Variants in OSTN observed in about 807,000 individuals in gnomAD.
The protein encoded by OSTN is osteocrin.
A neutral mutation model predicts 12.0 loss-of-function variants in OSTN; 9 were observed. The ratio of observed to expected loss-of-function variants is 0.75; its 90% CI spans 0.45 to 1.30. The LOEUF is 1.30. Among genes scored for constraint, OSTN ranks in the 50% most tolerant of loss-of-function variants. The pLI is 0.00. For missense variants in OSTN, 148 were observed against 152.3 expected (o/e 0.97, Z 0.15); for synonymous variants, 59 against 56.9 (o/e 1.04, Z -0.16).
At chr3:191,238,678 C>T (rs1715256156) in intron 3 of OSTN, among the ~76,000 whole-genome samples, 1 of 152,168 alleles carries the variant, frequency 6.6e-6, no homozygotes, top group African/African-American at 2.4e-5. Context: ...CAAGAGTGTG[C>T]CGCCCTTTTA....
At chr3:191,221,846 C>T (rs994942468) in intron 3 of OSTN, among the ~76,000 whole-genome samples, 1 of 152,232 alleles carries the variant, frequency 6.6e-6, no homozygotes, top group African/African-American at 2.4e-5. Context: ...GTCTTCACAG[C>T]AGCCCCTCCC....
intron 4 of OSTN, among the ~76,000 whole-genome samples, chr3:191,255,026 C>G (rs563701295): frequency 6.6e-6 from 1 of 152,110 alleles, no homozygotes; most frequent in East Asian, 1.9e-4. Context: ...TTTTCGGCGC[C>G]GGGGACTGGT....
intron 2 of OSTN, among the ~76,000 whole-genome samples, chr3:191,215,190 C>T (rs79447945): frequency 6.6e-6 from 1 of 152,148 alleles, no homozygotes; most frequent in Admixed American, 6.5e-5. Context: ...AATTACCAAA[C>T]ATTTATAAAA....
intron 2 of OSTN, among the ~76,000 whole-genome samples, chr3:191,217,871 A>G (rs999946903): frequency 6.6e-6 from 1 of 152,160 alleles, no homozygotes; most frequent in African/African-American, 2.4e-5. Flanking sequence ...CTGGATTAGT[A>G]ATGGCTTGAG....
intron 3 of OSTN, among the ~76,000 whole-genome samples, chr3:191,241,948 T>G (rs888865160): frequency 1.3e-5 from 2 of 152,078 alleles, no homozygotes; most frequent in Non-Finnish European, 2.9e-5. Flanking sequence ...ACAGCCTCAT[T>G]AATGACTACA....
intron 3 of OSTN, among the ~76,000 whole-genome samples, chr3:191,232,732 CTGGGATTATAGGCA>C (rs1416954964): frequency 1.4e-4 from 22 of 151,804 alleles, no homozygotes; most frequent in African/African-American, 4.6e-4. Flanking sequence ...TCCCAAGTAG[CTGGGATTATAGGCA>C]TGGGATTATA....
Position 191,265,384 on chromosome 3 carries a change from C to T in OSTN, c.*2531C>T, listed in dbSNP as rs1560128714. 2.6e-5 allele frequency: 4 copies of T among 152,070 alleles called. No homozygotes were observed. Among genetic ancestry groups the T allele is most frequent in the African/African-American group, 9.7e-5 (4 of 41,420 alleles). 9.4% of individuals were successfully genotyped at this position (152,070 alleles called of 1,614,324 possible). A position where few individuals can be genotyped will look rare whatever the true frequency, so the allele number is the denominator to read the frequency against. Reference sequence around the variant, plus strand: ...GGATGTTAGTTACTGGCTATGTTGTCCTAAAATTTACACACACTAAAAAAT... The same window carrying T: ...GGATGTTAGTTACTGGCTATGTTGTTCTAAAATTTACACACACTAAAAAAT... On this transcript the variant is annotated 3_prime_UTR_variant, in exon 5 of 5. Coordinates refer to ENST00000682035, the MANE Select transcript of OSTN (RefSeq NM_198184.2).
At chr3:191,211,580 T>C (rs1551426) in intron 1 of OSTN, among the ~76,000 whole-genome samples, 151,575 of 152,262 alleles carry the variant, frequency 1, 75,444 homozygotes, top group East Asian at 1. Context: ...TTGTAAAGCA[T>C]CCAATTTTCT....
intron 3 of OSTN, among the ~76,000 whole-genome samples, chr3:191,230,369 T>C (rs1715021160): frequency 1.3e-5 from 2 of 150,348 alleles, no homozygotes; most frequent in South Asian, 4.2e-4. Flanking sequence ...ATCGAGACCA[T>C]TCTGGTCAAC....
chr3:191,253,085 A>C (rs1715596255), intron 4 of OSTN, among the ~76,000 whole-genome samples: 1 of 152,332 alleles, frequency 6.6e-6, no homozygotes, highest in Non-Finnish European at 1.5e-5. Context: ...TTCGTGACCC[A>C]AAAGGCCTTC....
At chr3:191,222,164 T>C (rs1274194455) in intron 3 of OSTN, among the ~76,000 whole-genome samples, 1 of 152,224 alleles carries the variant, frequency 6.6e-6, no homozygotes, top group Non-Finnish European at 1.5e-5. Flanking sequence ...GAAGAACCAC[T>C]ACTAGGGCAG....
intron 1 of OSTN, among the ~76,000 whole-genome samples, chr3:191,207,655 A>T (rs1323870296): frequency 1.3e-5 from 2 of 152,184 alleles, no homozygotes; most frequent in African/African-American, 4.8e-5. Flanking sequence ...TAATAAAAAC[A>T]TCTTTCTTCA....
intron 3 of OSTN, among the ~76,000 whole-genome samples, chr3:191,232,771 C>A (rs1308771401): frequency 6.6e-6 from 1 of 151,894 alleles, no homozygotes; most frequent in Admixed American, 6.6e-5. Flanking sequence ...CCTGCCACCA[C>A]ACCTGGCTAA....
chr3:191,249,961 AC>A (rs2108552003), intron 3 of OSTN, 75 bp from the exon 4 acceptor site: 1 of 1,096,728 alleles, frequency 9.1e-7, no homozygotes, highest in East Asian at 2.4e-5. Context: ...CCCCAGAGCT[AC>A]ATAAAATAAA....
chr3:191,230,519 G>A (rs1037569481), intron 3 of OSTN, among the ~76,000 whole-genome samples: 2 of 147,988 alleles, frequency 1.4e-5, no homozygotes, highest in East Asian at 2.0e-4. Flanking sequence ...AGCTGAGATC[G>A]GGCCACTGCA....
chr3:191,209,186 C>T lies in OSTN; in HGVS notation c.1-3347C>T, dbSNP rs146576009. Among the ~76,000 whole-genome samples the T allele has an allele frequency of 7.0e-3, 1,061 of 152,082 alleles. 18 individuals carry two copies. Among genetic ancestry groups the T allele is most frequent in the African/African-American group, 0.024 (1,008 of 41,494 alleles). On this transcript the variant is annotated intron_variant, in intron 1 of 4. Coordinates refer to ENST00000682035, the MANE Select transcript of OSTN (RefSeq NM_198184.2). ...AAATAAATAAATAAAAAAGATATAT[C>T]GGAAATATGAAATCATTTTAAAAAT...
intron 4 of OSTN, among the ~76,000 whole-genome samples, chr3:191,259,259 G>A (rs553998390): frequency 2.7e-5 from 4 of 150,766 alleles, no homozygotes; most frequent in South Asian, 2.1e-4. Flanking sequence ...CAGTAGCACC[G>A]TCTCAGCTCA....
chr3:191,229,425 A>G (rs1158517770), intron 3 of OSTN, among the ~76,000 whole-genome samples: 1 of 152,224 alleles, frequency 6.6e-6, no homozygotes, highest in African/African-American at 2.4e-5. Flanking sequence ...TAAATATTTA[A>G]ACATGATTTT....
At chr3:191,251,401 C>T (rs1715558553) in intron 4 of OSTN, among the ~76,000 whole-genome samples, 1 of 152,156 alleles carries the variant, frequency 6.6e-6, no homozygotes, top group Admixed American at 6.5e-5. Flanking sequence ...ATAAGACAAA[C>T]TGGAACTGCT....
Sources: gnomAD v4.1 joint callset for allele counts (sites outside exome capture counted in the v4.1 genomes callset) on GRCh38, gnomAD v4.1.1 for gene constraint, MANE v1.5 for transcripts, NCBI Gene and HGNC (gene_info 2026-07-23, HGNC 2026-07-21) for gene names.